The following GATAD2A variants were observed in gnomAD, a reference collection of about 807,000 sequenced individuals.
The protein encoded by GATAD2A is transcriptional repressor p66-alpha.
GATAD2A carries 12 observed loss-of-function variants against 68.5 expected under a neutral mutation model. The ratio of observed to expected loss-of-function variants is 0.18; its 90% CI spans 0.11 to 0.28. The LOEUF is 0.28. GATAD2A is among the 10% of genes least tolerant of loss of function. The pLI is 1.00. For missense variants in GATAD2A, 755 were observed against 868.5 expected, an observed-to-expected ratio of 0.87 and a Z score of 1.64; for synonymous variants, 410 against 375.3, an observed-to-expected ratio of 1.09 and a Z score of -1.07.
intron 2 of GATAD2A, among the ~76,000 whole-genome samples, chr19:19,476,798 CA>C (rs1331398158): frequency 3.3e-5 from 5 of 152,302 alleles, no homozygotes; most frequent in East Asian, 1.9e-4. Flanking sequence ...GCGTCACACC[CA>C]GGGGGGCAGT....
At chr19:19,453,883 C>T (rs2056650121) in intron 1 of GATAD2A, among the ~76,000 whole-genome samples, 1 of 151,570 alleles carries the variant, frequency 6.6e-6, no homozygotes, top group South Asian at 2.1e-4. Flanking sequence ...AGGCTGGTCT[C>T]GAGCTCCTGG....
chr19:19,502,667 C>T (rs1339460849), intron 11 of GATAD2A, 141 bp downstream of exon 11: 3 of 652,288 alleles, frequency 4.6e-6, no homozygotes, highest in Non-Finnish European at 7.9e-6. Context: ...TCTGGCTTTC[C>T]CTCTTGCCCC....
intron 1 of GATAD2A, among the ~76,000 whole-genome samples, chr19:19,451,473 A>C (rs766863599): frequency 6.6e-6 from 1 of 152,222 alleles, no homozygotes; most frequent in Non-Finnish European, 1.5e-5. Flanking sequence ...GCAGTCAACA[A>C]ATCAGTTATT....
chr19:19,487,881 C>T (rs1251721765), intron 2 of GATAD2A, among the ~76,000 whole-genome samples: 5 of 152,200 alleles, frequency 3.3e-5, no homozygotes, highest in Non-Finnish European at 7.3e-5. Context: ...CCCTTGCACA[C>T]AGCCAGCAGC....
intron 2 of GATAD2A, among the ~76,000 whole-genome samples, chr19:19,482,088 C>A (rs978204181): frequency 6.6e-6 from 1 of 151,710 alleles, no homozygotes. Flanking sequence ...GCCTGGTTTA[C>A]AGAATGAGAC....
At chr19:19,459,449 C>T (rs1027654561) in intron 1 of GATAD2A, among the ~76,000 whole-genome samples, 4 of 151,366 alleles carry the variant, frequency 2.6e-5, no homozygotes, top group African/African-American at 9.7e-5. Flanking sequence ...TTTTTCTTCA[C>T]ATAGCATTGT....
chr19:19,492,356 C>T lies in GATAD2A; in HGVS notation c.320C>T (p.Ser107Phe). 6.2e-7 allele frequency: 1 copy of T among 1,611,558 alleles called. No homozygotes were observed. The highest frequency in any genetic ancestry group is 8.5e-7 in the Non-Finnish European group (1 of 1,178,782). The change falls in exon 3 of 12, where the codon TCC becomes TTC. Residue 107 changes from serine (S) to phenylalanine (F), a missense_variant. Physicochemically the swap from Ser to Phe is radical, Grantham distance 155 (BLOSUM62 -2). Transcript: ENST00000683918. ...RPPSPDVIVL[S>F]DNEQPSSPRV... Reference sequence around the variant, plus strand: ...CCCTCACCTGACGTGATTGTGCTCTCCGACAACGAGCAGCCCTCGAGCCCG... The same window carrying T: ...CCCTCACCTGACGTGATTGTGCTCTTCGACAACGAGCAGCCCTCGAGCCCG...
In GATAD2A at chr19:19,388,820, C is replaced by T. The variant is rs114114780; in HGVS notation, c.-7+2682C>T. Among the ~76,000 whole-genome samples, 1,003 of 152,204 alleles carry T rather than the reference C, an allele frequency of 6.6e-3. 7 individuals carry two copies. The highest frequency in any genetic ancestry group is 0.023 in the African/African-American group (936 of 41,518). On this transcript the variant is annotated intron_variant, in intron 1 of 11. Transcript: ENST00000360315. ...TCAAAATAAAAAGGAAAAGAAAACT[C>T]TCCTTCATCTCTTCCTGTTGCATTT... is the stretch of plus-strand genomic sequence containing the variant.
intron 1 of GATAD2A, among the ~76,000 whole-genome samples, chr19:19,463,480 G>A (rs968288946): frequency 1.3e-5 from 2 of 152,156 alleles, no homozygotes; most frequent in Admixed American, 6.5e-5. Context: ...TCCATTCCAC[G>A]GAGGAGCTGA....
chr19:19,497,133 C>T (rs527714630), intron 7 of GATAD2A, among the ~76,000 whole-genome samples: 1 of 152,094 alleles, frequency 6.6e-6, no homozygotes, highest in Admixed American at 6.6e-5. Context: ...CAAGAGTCTC[C>T]CTCTGTTACC....
intron 2 of GATAD2A, among the ~76,000 whole-genome samples, chr19:19,476,919 T>C (rs763606274): frequency 6.6e-6 from 1 of 152,198 alleles, no homozygotes; most frequent in Non-Finnish European, 1.5e-5. Context: ...ATATGAATTA[T>C]AATTTGTGAG....
chr19:19,402,411 G>C (rs1051819007), upstream of GATAD2A: 1 of 150,154 alleles, frequency 6.7e-6, no homozygotes, highest in Non-Finnish European at 1.5e-5. Flanking sequence ...GTATTGGGCC[G>C]GGCACAGTGG....
At chr19:19,415,435 G>A (rs1600061522) in intron 1 of GATAD2A, among the ~76,000 whole-genome samples, 2 of 150,860 alleles carry the variant, frequency 1.3e-5, no homozygotes, top group South Asian at 4.2e-4. Context: ...GATTACAGAC[G>A]TGAGCCACCA....
At position 19,492,286 on chromosome 19, in the gene GATAD2A, C is replaced by T. The variant is rs769448385; in HGVS notation, c.270-20C>T. 1.3e-6 allele frequency: 2 copies of T among 1,593,622 alleles called. No homozygotes were observed. The highest frequency in any genetic ancestry group is 1.7e-6 in the Non-Finnish European group (2 of 1,170,224). ...CCAGCTGTCAAGGGCGCTCTGGTCA[C>T]TACTGTCTCCACCCCACAGTGACAT... On this transcript the variant is annotated intron_variant, in intron 2 of 11. Transcript: ENST00000683918.
intron 1 of GATAD2A, among the ~76,000 whole-genome samples, chr19:19,425,074 A>G (rs77333207): frequency 0.041 from 6,165 of 152,146 alleles, 428 homozygotes; most frequent in African/African-American, 0.14. Context: ...TAAAAAAAAA[A>G]AAAAAACCCA....
chr19:19,392,340 T>G (rs2048902385), intron 1 of GATAD2A, among the ~76,000 whole-genome samples: 1 of 151,414 alleles, frequency 6.6e-6, no homozygotes, highest in Admixed American at 6.6e-5. Context: ...CACTTTGGCC[T>G]CCCAAAGTGT....
At chr19:19,424,933 G>A (rs1346094572) in intron 1 of GATAD2A, among the ~76,000 whole-genome samples, 1 of 151,818 alleles carries the variant, frequency 6.6e-6, no homozygotes, top group African/African-American at 2.4e-5. Context: ...GGGCAACATA[G>A]TGAGATCCCA....
chr19:19,484,518 C>CTTTTTTTTTTTCTTTTT (rs2059278367), intron 2 of GATAD2A, among the ~76,000 whole-genome samples: 6 of 114,468 alleles, frequency 5.2e-5, no homozygotes, highest in African/African-American at 1.7e-4. Flanking sequence ...TTTTCTTTTT[C>CTTTTTTTTTTTCTTTTT]TTTTTTTTTT....
In GATAD2A at chr19:19,492,728, C is replaced by A; in HGVS notation, c.534+16C>A. 1 of 1,613,652 alleles carries A rather than the reference C, an allele frequency of 6.2e-7. No individual in the cohort carries two copies. Among genetic ancestry groups the A allele is most frequent in the Non-Finnish European group, 8.5e-7 (1 of 1,179,766 alleles). The stretch of plus-strand genomic sequence containing the variant: ...CGCCCAGAAGGTGCGTGCCTGTCTC[C>A]CCTCCTTCCTGGGCCAGCAGGAGCG... On this transcript the variant is annotated intron_variant, in intron 4 of 11. Transcript: ENST00000683918.
Sources: allele counts gnomAD v4.1 joint callset (sites outside exome capture counted in the v4.1 genomes callset), GRCh38; gene constraint gnomAD v4.1.1; transcripts MANE v1.5; gene names NCBI Gene and HGNC (gene_info 2026-07-23, HGNC 2026-07-21).